FAM216A: variants seen among roughly 807,000 people sequenced by gnomAD.
The protein encoded by FAM216A is family with sequence similarity 216 member A, also known as protein FAM216A.
A neutral mutation model predicts 37.6 loss-of-function variants in FAM216A; 26 were observed. That is an observed-to-expected ratio of 0.69 (90% CI 0.51 to 0.96). FAM216A has a LOEUF of 0.96. Ranked by LOEUF, FAM216A falls within the 40% of genes least tolerant of loss-of-function variation. The probability of loss-of-function intolerance (pLI) is 0.00; values close to 1 mark genes in which losing one functional copy is unlikely to be tolerated. For synonymous variants in FAM216A, 110 were observed against 121.7 expected, an observed-to-expected ratio of 0.90 and a Z score of 0.64; for missense variants, 326 against 339.3, an observed-to-expected ratio of 0.96 and a Z score of 0.31.
chr12:110,484,643 T>C (rs993068889), intron 2 of FAM216A, among the ~76,000 whole-genome samples: 3 of 151,990 alleles, frequency 2.0e-5, no homozygotes, highest in African/African-American at 7.2e-5. Flanking sequence ...TTTGATGTTG[T>C]TTGTGTGCTC....
intron 1 of FAM216A, 32 bp from the exon 2 acceptor site, chr12:110,473,046 C>T (rs753991015): frequency 1.2e-6 from 1 of 847,506 alleles, no homozygotes; most frequent in Non-Finnish European, 1.8e-6. Context: ...GTAATTATTA[C>T]ATATTATTTA....
Position 110,485,174 on chromosome 12 carries a change from CAAT to C in FAM216A, c.282_284del (p.Met96del). 6.2e-7 allele frequency: 1 copy of C among 1,612,082 alleles called. No homozygotes were observed. Among genetic ancestry groups the C allele is most frequent in the Non-Finnish European group, 8.5e-7 (1 of 1,179,576 alleles). ...AATCAAACAATCCACCTCTCTAAAT[CAAT>C]GATGGAGGCGTCCTTTTTCAAGGTA... On this transcript the variant is annotated inframe_deletion, in exon 3 of 7. Transcript: ENST00000377673.
At chr12:110,469,788 G>A (rs2062670861) in intron 1 of FAM216A, among the ~76,000 whole-genome samples, 1 of 151,992 alleles carries the variant, frequency 6.6e-6, no homozygotes, top group Admixed American at 6.6e-5. Context: ...GGGATTACGG[G>A]GTGAACCATT....
intron 2 of FAM216A, among the ~76,000 whole-genome samples, chr12:110,483,080 C>A (rs541969182): frequency 6.6e-6 from 1 of 152,210 alleles, no homozygotes; most frequent in Non-Finnish European, 1.5e-5. Context: ...AACCCCAGCA[C>A]TTTGGGAGGC....
intron 1 of FAM216A, among the ~76,000 whole-genome samples, chr12:110,472,549 A>G (rs1592974776): frequency 6.6e-6 from 1 of 151,800 alleles, no homozygotes; most frequent in Non-Finnish European, 1.5e-5. Flanking sequence ...AAGGAGGGAG[A>G]CCCCATCTCT....
intron 2 of FAM216A, among the ~76,000 whole-genome samples, chr12:110,479,837 AAAAAAAACCC>A (rs1362331053): frequency 6.6e-6 from 1 of 151,388 alleles, no homozygotes; most frequent in Non-Finnish European, 1.5e-5. Flanking sequence ...GCTCCATCTA[AAAAAAAACCC>A]AAAAAAAACA....
rs961076596 is a variant in FAM216A at position 110,486,384 on chromosome 12, T to C, written c.366T>C (p.Asn122=). ...TGTGCAGCATTGCTAAAATCTATAA[T>C]GCAAACTATCTGAAGATGTTAATGA... ...RYLCSIAKIY[N]ANYLKMLMKR... is the part of the protein sequence containing the mutation. Residue 122 remains asparagine, a synonymous_variant, in exon 4 of 7, where the codon AAT becomes AAC. Coordinates refer to ENST00000377673, the MANE Select transcript of FAM216A (RefSeq NM_013300.3). 6 of 1,613,964 alleles carry C rather than the reference T, an allele frequency of 3.7e-6. No homozygotes were observed. Among genetic ancestry groups the C allele is most frequent in the African/African-American group, 1.3e-5 (1 of 74,946 alleles).
rs777500441 is a variant in FAM216A at position 110,476,386 on chromosome 12, T to C, written c.184+3268T>C. 2.6e-5 allele frequency among the ~76,000 whole-genome samples: 4 copies of C among 152,002 alleles called. No homozygotes were observed. In the East Asian group the frequency reaches 5.8e-4, roughly 22 times the overall value. The stretch of plus-strand genomic sequence containing the variant: ...CGCTAATTGTTTGAATTTTTTTTCT[T>C]TTTAGTAGACATGGGGTTTCACCAT... On this transcript the variant is annotated intron_variant, in intron 2 of 6. Transcript: ENST00000377673.
rs201575705 is a variant in FAM216A at position 110,490,149 on chromosome 12, C to A, written c.*12C>A. 1.5e-6 allele frequency: 2 copies of A among 1,315,504 alleles called. No individual in the cohort carries two copies. The highest frequency in any genetic ancestry group is 2.4e-5 in the South Asian group (2 of 85,052). The allele number at this position is 1,315,504 out of a possible 1,614,324, so 81.5% of individuals were successfully genotyped here. ...TGATGTTAACTTGACAGTCTTGTCT[C>A]GTGTATTGAATTCGTGCCAAAGGTG... On this transcript the variant is annotated 3_prime_UTR_variant, in exon 7 of 7. Coordinates refer to ENST00000377673, the MANE Select transcript of FAM216A (RefSeq NM_013300.3).
chr12:110,482,794 C>CAA (rs547165958), intron 2 of FAM216A, among the ~76,000 whole-genome samples: 41 of 93,934 alleles, frequency 4.4e-4, no homozygotes, highest in African/African-American at 1.3e-3. Flanking sequence ...GACTCCATCT[C>CAA]AAAAAAAAAA....
chr12:110,488,440 A>T (rs2062789221), intron 6 of FAM216A, among the ~76,000 whole-genome samples: 1 of 151,910 alleles, frequency 6.6e-6, no homozygotes, highest in East Asian at 1.9e-4. Flanking sequence ...AAAGAAAAGA[A>T]AAAAAGAACA....
At chr12:110,486,289 A>G (rs773740996) in intron 3 of FAM216A, 36 bp from the exon 4 acceptor site, 126 of 1,552,828 alleles carry the variant, frequency 8.1e-5, no homozygotes, top group Non-Finnish European at 2.4e-5. Context: ...TCTCTAATAC[A>G]ATGCAGACTA....
chr12:110,489,224 G>C (rs368131470), intron 6 of FAM216A, among the ~76,000 whole-genome samples: 1 of 152,168 alleles, frequency 6.6e-6, no homozygotes, highest in South Asian at 2.1e-4. Flanking sequence ...AGGGAAGTTG[G>C]CCAGGCGCAG....
At chr12:110,470,559 C>A (rs1481416812) in intron 1 of FAM216A, among the ~76,000 whole-genome samples, 6 of 151,292 alleles carry the variant, frequency 4.0e-5, no homozygotes, top group Admixed American at 6.6e-5. Flanking sequence ...CTAACTGCAA[C>A]CTCCGCCTCC....
intron 2 of FAM216A, among the ~76,000 whole-genome samples, chr12:110,483,061 C>T (rs1228203356): frequency 6.6e-6 from 1 of 152,042 alleles, no homozygotes; most frequent in Non-Finnish European, 1.5e-5. Flanking sequence ...CGCGGTGGCT[C>T]ATGCCTGCAA....
chr12:110,468,717 C>T, upstream of FAM216A: 1 of 1,505,802 alleles, frequency 6.6e-7, no homozygotes, highest in Non-Finnish European at 8.9e-7. Context: ...CGCTCCTGCC[C>T]CTCCCCCACC....
chr12:110,486,643 T>A lies in FAM216A; in HGVS notation c.546T>A (p.Ser182=). The A allele has an allele frequency of 6.2e-7, 1 of 1,614,210 alleles. No individual in the cohort carries two copies. The highest frequency in any genetic ancestry group is 8.5e-7 in the Non-Finnish European group (1 of 1,180,036). ...TGGAGAGAGAGGACTCGGGGTCTTCTGATATCGCAGCTGCATCTGCACCTG... is the reference window on the plus strand; with the variant it reads ...TGGAGAGAGAGGACTCGGGGTCTTCAGATATCGCAGCTGCATCTGCACCTG... ...HQLEREDSGS[S]DIAAASAPEM... Residue 182 remains serine, a synonymous_variant, in exon 5 of 7, where the codon TCT becomes TCA. Transcript: ENST00000377673.
intron 1 of FAM216A, among the ~76,000 whole-genome samples, chr12:110,471,096 T>C (rs1446457896): frequency 6.6e-6 from 1 of 151,956 alleles, no homozygotes; most frequent in East Asian, 1.9e-4. Context: ...TCCTTACTTT[T>C]TTTCTTCTTT....
chr12:110,486,628 G>T lies in FAM216A; in HGVS notation c.531G>T (p.Glu177Asp), dbSNP rs752036434. ...CATGGCGACATCAACTGGAGAGAGA[G>T]GACTCGGGGTCTTCTGATATCGCAG... ...CTTWRHQLER[E>D]DSGSSDIAAA... Residue 177 changes from glutamate to aspartate, a missense_variant, in exon 5 of 7, where the codon GAG becomes GAT. Physicochemically the swap from Glu to Asp is conservative, Grantham distance 45. Coordinates refer to ENST00000377673, the MANE Select transcript of FAM216A (RefSeq NM_013300.3). The T allele has an allele frequency of 2.5e-6, 4 of 1,614,000 alleles. No individual in the cohort carries two copies. Among genetic ancestry groups the T allele is most frequent in the Middle Eastern group, 1.6e-4 (1 of 6,084 alleles).
Sources: allele counts gnomAD v4.1 joint callset (sites outside exome capture counted in the v4.1 genomes callset), GRCh38; gene constraint gnomAD v4.1.1; transcripts MANE v1.5; gene names NCBI Gene and HGNC (gene_info 2026-07-23, HGNC 2026-07-21).